The following MGAT5 variants were observed in gnomAD, a reference collection of about 807,000 sequenced individuals.
The protein encoded by MGAT5 is alpha-1,6-mannosylglycoprotein 6-beta-N-acetylglucosaminyltransferase A.
In MGAT5, 30 loss-of-function variants were observed where a neutral mutation model predicts 94.3. The ratio of observed to expected loss-of-function variants is 0.32; its 90% CI spans 0.24 to 0.43. The LOEUF (loss-of-function observed/expected upper bound fraction) is 0.43. Among genes scored for constraint, MGAT5 ranks in the 20% least tolerant of loss-of-function variants. MGAT5 has a pLI of 1.00. For synonymous variants in MGAT5, 310 were observed against 322.9 expected (o/e 0.96, Z 0.43); for missense variants, 691 against 905.5 (o/e 0.76, Z 3.04).
At chr2:134,364,189 T>A (rs1417407635) in intron 10 of MGAT5, among the ~76,000 whole-genome samples, 1 of 152,132 alleles carries the variant, frequency 6.6e-6, no homozygotes, top group Non-Finnish European at 1.5e-5. Flanking sequence ...ACTAAAAGGG[T>A]GACTTTTCCA....
intron 1 of MGAT5, among the ~76,000 whole-genome samples, chr2:134,133,426 T>A (rs765810692): frequency 5.9e-5 from 9 of 152,218 alleles, no homozygotes; most frequent in Non-Finnish European, 1.2e-4. Flanking sequence ...CAGAGGGATC[T>A]GGATATGTCT....
chr2:134,135,690 C>CAA lies in MGAT5; in HGVS notation c.-143+15422_-143+15423dup, dbSNP rs59026836. On this transcript the variant is annotated intron_variant, in intron 1 of 16. Transcript: ENST00000409645. ...CTGGCAACAGAGTGAGACTCCATCT[C>CAA]AAAAAAAAAAAAAAAAAAAAAAAAG... Among the ~76,000 whole-genome samples, 204 of 41,170 alleles carry CAA rather than the reference C, an allele frequency of 5.0e-3. 4 individuals are homozygous for CAA. Among genetic ancestry groups the CAA allele is most frequent in the Middle Eastern group, 0.012 (1 of 82 alleles). The allele number at this position is 41,170 out of a possible 152,430, so 27.0% of individuals were successfully genotyped here.
At chr2:134,309,627 A>C (rs1288031354) in intron 2 of MGAT5, among the ~76,000 whole-genome samples, 13 of 152,236 alleles carry the variant, frequency 8.5e-5, no homozygotes, top group African/African-American at 3.1e-4. Flanking sequence ...TCTTCCTATC[A>C]TGTGTGTGCT....
intron 2 of MGAT5, among the ~76,000 whole-genome samples, chr2:134,308,341 A>G (rs549844825): frequency 2.0e-5 from 3 of 152,318 alleles, no homozygotes; most frequent in African/African-American, 4.8e-5. Flanking sequence ...GAGACAGAGG[A>G]TGGTTTCTCT....
intron 4 of MGAT5, among the ~76,000 whole-genome samples, chr2:134,324,528 A>G (rs1430108684): frequency 1.3e-5 from 2 of 152,172 alleles, no homozygotes; most frequent in Admixed American, 1.3e-4. Flanking sequence ...GCTAAGATTA[A>G]TGCCCAACAG....
upstream of MGAT5, among the ~76,000 whole-genome samples, chr2:134,250,530 T>TG (rs1157207469): frequency 6.6e-6 from 1 of 152,224 alleles, no homozygotes; most frequent in Non-Finnish European, 1.5e-5. Context: ...ATTGTCCACC[T>TG]GTTACTGTGA....
chr2:134,289,278 C>A (rs1685199639), intron 2 of MGAT5, among the ~76,000 whole-genome samples: 1 of 152,196 alleles, frequency 6.6e-6, no homozygotes, highest in Non-Finnish European at 1.5e-5. Flanking sequence ...GAGAAGGCAA[C>A]CATTGCTGGG....
intron 5 of MGAT5, among the ~76,000 whole-genome samples, chr2:134,337,581 G>A (rs1688404030): frequency 6.6e-6 from 1 of 152,134 alleles, no homozygotes; most frequent in African/African-American, 2.4e-5. Context: ...ATAAATACTG[G>A]TTATTATGTT....
intron 1 of MGAT5, among the ~76,000 whole-genome samples, chr2:134,155,536 T>A (rs926776657): frequency 6.6e-6 from 1 of 152,256 alleles, no homozygotes; most frequent in African/African-American, 2.4e-5. Flanking sequence ...TACCTTTTTA[T>A]ATGGAGCACT....
Position 134,341,125 on chromosome 2 carries a change from G to A in MGAT5, c.808-465G>A, listed in dbSNP as rs574345993. Among the ~76,000 whole-genome samples the A allele has an allele frequency of 4.6e-5, 7 of 152,204 alleles. No individual in the cohort carries two copies. In the East Asian group the frequency reaches 1.2e-3, roughly 25 times the overall value. On this transcript the variant is annotated intron_variant, in intron 6 of 15. Coordinates refer to ENST00000281923, the MANE Select transcript of MGAT5 (RefSeq NM_002410.5). ...CTAGAGGGGTTGGGAGAAAATGGGG[G>A]TATAGATTAAATATGCATTAATAAT...
At chr2:134,256,209 G>A (rs1376549768) in intron 1 of MGAT5, among the ~76,000 whole-genome samples, 1 of 152,150 alleles carries the variant, frequency 6.6e-6, no homozygotes, top group Admixed American at 6.5e-5. Context: ...GTTTTTCCTA[G>A]AGTTGCATTT....
intron 6 of MGAT5, among the ~76,000 whole-genome samples, chr2:134,340,969 A>G (rs1253306014): frequency 6.6e-6 from 1 of 152,174 alleles, no homozygotes; most frequent in Non-Finnish European, 1.5e-5. Flanking sequence ...ATGTTAAGGA[A>G]TTACTAGGTT....
At chr2:134,233,292 T>C (rs1048302063) in intron 1 of MGAT5, among the ~76,000 whole-genome samples, 5 of 152,222 alleles carry the variant, frequency 3.3e-5, no homozygotes, top group Non-Finnish European at 7.3e-5. Context: ...GGTATTACTA[T>C]GGGTCATAAT....
intron 11 of MGAT5, among the ~76,000 whole-genome samples, chr2:134,412,593 G>A (rs776347258): frequency 1.3e-5 from 2 of 152,064 alleles, no homozygotes; most frequent in South Asian, 2.1e-4. Context: ...TCCCTACCCC[G>A]TGGATACCCC....
chr2:134,266,160 CAAAA>C (rs371430614), intron 1 of MGAT5, among the ~76,000 whole-genome samples: 1 of 112,588 alleles, frequency 8.9e-6, no homozygotes, highest in South Asian at 3.1e-4. Flanking sequence ...GACTCCATCT[CAAAA>C]AAAAAAAAAA....
intron 1 of MGAT5, among the ~76,000 whole-genome samples, chr2:134,173,494 C>T (rs989520469): frequency 1.3e-5 from 2 of 152,184 alleles, no homozygotes; most frequent in African/African-American, 2.4e-5. Flanking sequence ...AGTATCTGCA[C>T]CCCCTTGTTC....
At chr2:134,217,433 G>A (rs575224961) in intron 1 of MGAT5, among the ~76,000 whole-genome samples, 1 of 152,208 alleles carries the variant, frequency 6.6e-6, no homozygotes, top group South Asian at 2.1e-4. Flanking sequence ...TGAGGCTCAC[G>A]GGGCTTAATC....
At chr2:134,256,927 A>T (rs1683000320) in intron 1 of MGAT5, among the ~76,000 whole-genome samples, 2 of 152,138 alleles carry the variant, frequency 1.3e-5, no homozygotes, top group Admixed American at 1.3e-4. Flanking sequence ...ACTTGTATGT[A>T]TGTGCTTGAG....
chr2:134,140,538 TC>T (rs1686609780), intron 1 of MGAT5, among the ~76,000 whole-genome samples: 1 of 152,216 alleles, frequency 6.6e-6, no homozygotes, highest in African/African-American at 2.4e-5. Flanking sequence ...AATGAGCCAT[TC>T]TTGTAGGGCT....
Sources: allele counts gnomAD v4.1 joint callset (sites outside exome capture counted in the v4.1 genomes callset), GRCh38; gene constraint gnomAD v4.1.1; transcripts MANE v1.5; gene names NCBI Gene and HGNC (gene_info 2026-07-23, HGNC 2026-07-21).